TGFBR3: variants seen among roughly 807,000 people sequenced by gnomAD.
TGFBR3 encodes transforming growth factor beta receptor type 3.
TGFBR3 carries 46 observed loss-of-function variants against 87.9 expected under a neutral mutation model. The ratio of observed to expected loss-of-function variants is 0.52; its 90% confidence interval spans 0.41 to 0.67. The LOEUF (loss-of-function observed/expected upper bound fraction) is 0.67, where lower values mean the gene tolerates loss of function less well. Ranked by LOEUF, TGFBR3 falls within the 30% of genes least tolerant of loss-of-function variation. TGFBR3 has a pLI of 0.00. For synonymous variants in TGFBR3, 381 were observed against 391.6 expected (o/e 0.97, Z 0.32); for missense variants, 866 against 1,041.9 (o/e 0.83, Z 2.32).
intron 2 of TGFBR3, among the ~76,000 whole-genome samples, chr1:91,832,556 G>A (rs950884786): frequency 9.2e-5 from 14 of 152,256 alleles, no homozygotes; most frequent in African/African-American, 3.4e-4. Context: ...AAGAACTAAG[G>A]TAGAGTGATA....
chr1:91,816,335 T>C (rs1012104715), intron 2 of TGFBR3, among the ~76,000 whole-genome samples: 2 of 152,260 alleles, frequency 1.3e-5, no homozygotes. Context: ...AATCTGAGCC[T>C]GGTCTTTGAG....
intron 2 of TGFBR3, among the ~76,000 whole-genome samples, chr1:91,839,046 T>C (rs1405451722): frequency 6.6e-6 from 1 of 152,252 alleles, no homozygotes; most frequent in Non-Finnish European, 1.5e-5. Flanking sequence ...GGCATGAACA[T>C]GGCTCACTGC....
intron 2 of TGFBR3, among the ~76,000 whole-genome samples, chr1:91,897,871 A>T (rs1336782499): frequency 2.6e-5 from 4 of 152,064 alleles, no homozygotes; most frequent in East Asian, 1.9e-4. Flanking sequence ...ATTTTGACAA[A>T]TTTTTTGTCT....
At chr1:91,759,383 CAAAAAA>C (rs35600646) in intron 3 of TGFBR3, among the ~76,000 whole-genome samples, 6 of 84,706 alleles carry the variant, frequency 7.1e-5, no homozygotes, top group Admixed American at 1.3e-4. Flanking sequence ...CAGCCCCTGT[CAAAAAA>C]AAAAAAAAAA....
chr1:91,784,882 C>T (rs1674900873), intron 3 of TGFBR3, among the ~76,000 whole-genome samples: 1 of 152,180 alleles, frequency 6.6e-6, no homozygotes, highest in African/African-American at 2.4e-5. Flanking sequence ...CCAGCCTACC[C>T]CCTTCATTGT....
intron 2 of TGFBR3, among the ~76,000 whole-genome samples, chr1:91,816,456 C>T (rs1275997582): frequency 2.0e-5 from 3 of 152,216 alleles, no homozygotes; most frequent in Admixed American, 1.3e-4. Context: ...GCGTTCTCAA[C>T]TGCAGTAAGC....
In TGFBR3 at chr1:91,779,928, T is replaced by C. The variant is rs1252040208; in HGVS notation, c.246+17359A>G. Reference sequence around the variant, plus strand: ...CCAGAGGCTCCAGGAGAGAACCTGTTCCCAGCCTCTTTCAGGTTCTCGTGG... The same window carrying C: ...CCAGAGGCTCCAGGAGAGAACCTGTCCCCAGCCTCTTTCAGGTTCTCGTGG... On this transcript the variant is annotated intron_variant, in intron 3 of 16. Coordinates refer to ENST00000212355, the MANE Select transcript of TGFBR3 (RefSeq NM_003243.5). Among the ~76,000 whole-genome samples the C allele has an allele frequency of 1.3e-5, 2 of 152,174 alleles. 1 individual carries two copies. Among genetic ancestry groups the C allele is most frequent in the Non-Finnish European group, 2.9e-5 (2 of 68,026 alleles).
chr1:91,683,901 T>C, intron 16 of TGFBR3, 44 bp from the exon 17 acceptor site: 1 of 1,491,222 alleles, frequency 6.7e-7, no homozygotes, highest in Non-Finnish European at 9.2e-7. Flanking sequence ...AAGACGCATA[T>C]TATGTATGTG....
chr1:91,721,912 T>A (rs753960122), intron 8 of TGFBR3, 43 bp downstream of exon 8: 1 of 1,578,380 alleles, frequency 6.3e-7, no homozygotes, highest in South Asian at 1.1e-5. Flanking sequence ...AAAGCTTCAT[T>A]TGGGGGGTAT....
chr1:91,722,016 T>C lies in TGFBR3; in HGVS notation c.1014A>G (p.Pro338=). 1.2e-6 allele frequency: 2 copies of C among 1,613,708 alleles called. No individual in the cohort carries two copies. The highest frequency in any genetic ancestry group is 1.7e-6 in the Non-Finnish European group (2 of 1,179,846). ...VKWALDNGYS[P]ITSYTMAPVA... ...CAGGAGCCATTGTGTATGAAGTTAT[T>C]GGACTATAGCCATTGTCCAAAGCCC... Residue 338 remains proline (P), a synonymous_variant, in exon 8 of 17, where the codon CCA becomes CCG. Coordinates refer to ENST00000212355, the MANE Select transcript of TGFBR3 (RefSeq NM_003243.5).
At chr1:91,888,937 A>T (rs1679390152), upstream of TGFBR3, among the ~76,000 whole-genome samples, 1 of 151,838 alleles carries the variant, frequency 6.6e-6, no homozygotes, top group South Asian at 2.1e-4. Flanking sequence ...GCTGGAGTGC[A>T]GTGGCGCAAT....
chr1:91,688,192 C>G (rs1338331511), intron 16 of TGFBR3, among the ~76,000 whole-genome samples: 1 of 152,206 alleles, frequency 6.6e-6, no homozygotes, highest in Non-Finnish European at 1.5e-5. Flanking sequence ...TTCACAATGT[C>G]CTGCCTACTA....
intron 3 of TGFBR3, 50 bp downstream of exon 3, chr1:91,797,237 A>G (rs1423732217): frequency 6.3e-7 from 1 of 1,594,018 alleles, no homozygotes; most frequent in Admixed American, 1.7e-5. Flanking sequence ...CCAGAAAATC[A>G]TCTCTGCAGA....
chr1:91,792,546 G>A (rs11799400), intron 3 of TGFBR3, among the ~76,000 whole-genome samples: 18,652 of 152,190 alleles, frequency 0.12, 1,565 homozygotes, highest in East Asian at 0.48. Flanking sequence ...AGATAGGTCA[G>A]AAATAGAAAA....
chr1:91,861,254 G>T (rs555870319), intron 2 of TGFBR3, among the ~76,000 whole-genome samples: 23 of 152,080 alleles, frequency 1.5e-4, no homozygotes, highest in Admixed American at 4.6e-4. Context: ...TAAAACATTA[G>T]CTGGGCATGG....
chr1:91,724,158 G>A (rs1271499773), intron 7 of TGFBR3, among the ~76,000 whole-genome samples: 1 of 152,102 alleles, frequency 6.6e-6, no homozygotes, highest in Non-Finnish European at 1.5e-5. Flanking sequence ...CAGTTTAATA[G>A]ATTCAGAATA....
chr1:91,795,495 G>A (rs756854220), intron 3 of TGFBR3, among the ~76,000 whole-genome samples: 11 of 152,082 alleles, frequency 7.2e-5, no homozygotes, highest in Non-Finnish European at 7.3e-5. Context: ...GTCACTCCTC[G>A]AGGTATTTTT....
At chr1:91,830,305 C>T (rs1019429152) in intron 2 of TGFBR3, among the ~76,000 whole-genome samples, 1 of 152,162 alleles carries the variant, frequency 6.6e-6, no homozygotes, top group African/African-American at 2.4e-5. Flanking sequence ...ACTTGGTGCT[C>T]GTCCCCAAGG....
intron 1 of TGFBR3, among the ~76,000 whole-genome samples, chr1:91,877,668 T>TTTTTTTTC (rs1268308805): frequency 6.6e-6 from 1 of 152,198 alleles, no homozygotes; most frequent in Non-Finnish European, 1.5e-5. Flanking sequence ...AAATGTGAAA[T>TTTTTTTTC]GCAACAAGTA....
Sources: allele counts gnomAD v4.1 joint callset (sites outside exome capture counted in the v4.1 genomes callset), GRCh38; gene constraint gnomAD v4.1.1; transcripts MANE v1.5; gene names NCBI Gene and HGNC (gene_info 2026-07-23, HGNC 2026-07-21).